The following XKR3 variants were observed in gnomAD, a reference collection of about 807,000 sequenced individuals.
The protein encoded by XKR3 is XK related 3.
Under a neutral mutation model 40.3 loss-of-function variants are expected in XKR3, and 27 were observed. That is an observed-to-expected ratio of 0.67 (90% CI 0.49 to 0.92). The LOEUF (loss-of-function observed/expected upper bound fraction) is 0.92, where lower values mean the gene tolerates loss of function less well. Among genes scored for constraint, XKR3 ranks in the 40% least tolerant of loss-of-function variants. The pLI, the probability that XKR3 is intolerant of heterozygous loss-of-function variation, is 0.00. For missense variants in XKR3, 472 were observed against 537.6 expected (o/e 0.88, Z 1.21); for synonymous variants, 193 against 195.4 (o/e 0.99, Z 0.10).
At chr22:16,817,201 T>A (rs1317606648) in intron 1 of XKR3, among the ~76,000 whole-genome samples, 1 of 152,074 alleles carries the variant, frequency 6.6e-6, no homozygotes, top group African/African-American at 2.4e-5. Flanking sequence ...TTTGTCCTCC[T>A]ACTCACCTGT....
At chr22:16,785,496 G>C (rs1434304752) in intron 3 of XKR3, among the ~76,000 whole-genome samples, 6 of 152,054 alleles carry the variant, frequency 3.9e-5, no homozygotes, top group Non-Finnish European at 7.4e-5. Context: ...TTGAATAATT[G>C]GTTTAAGCAC....
At chr22:16,802,501 T>TG (rs2060173393) in intron 2 of XKR3, among the ~76,000 whole-genome samples, 1 of 152,080 alleles carries the variant, frequency 6.6e-6, no homozygotes, top group Non-Finnish European at 1.5e-5. Context: ...CTTTTTTTTT[T>TG]CTTTTTTTGA....
chr22:16,795,646 G>A (rs1421485527), intron 3 of XKR3, among the ~76,000 whole-genome samples: 1 of 151,764 alleles, frequency 6.6e-6, no homozygotes, highest in Non-Finnish European at 1.5e-5. Context: ...TAAATAAATG[G>A]ATAGTGTGCT....
chr22:16,784,216 T>C lies in XKR3; in HGVS notation c.783A>G (p.Lys261=). Residue 261 remains lysine, a synonymous_variant, in exon 4 of 4, where the codon AAA becomes AAG. Coordinates refer to ENST00000684488, the MANE Select transcript of XKR3 (RefSeq NM_001386955.1). ...TTAACAAAACGGGTAGGCTCTTCAG[T>C]TTCAGAGATGCAATGAAAAATGCCA... ...VTLAFFIASL[K]LKSLPVLLII... is the part of the protein sequence containing the mutation. The C allele has an allele frequency of 6.2e-7, 1 of 1,614,182 alleles. No individual in the cohort carries two copies. The highest frequency in any genetic ancestry group is 1.6e-4 in the Middle Eastern group (1 of 6,062).
At chr22:16,796,227 A>T (rs1293325114) in intron 3 of XKR3, among the ~76,000 whole-genome samples, 232 of 151,260 alleles carry the variant, frequency 1.5e-3, no homozygotes, top group Middle Eastern at 3.6e-3. Context: ...CCAATATTTT[A>T]AAAAAAAATC....
intron 3 of XKR3, among the ~76,000 whole-genome samples, chr22:16,794,178 TCCAAATCCAAATAAAATAGAGAACC>T (rs2060131603): frequency 6.6e-6 from 1 of 151,918 alleles, no homozygotes; most frequent in African/African-American, 2.4e-5. Context: ...GAGGTCAACA[TCCAAATCCAAATAAAATAGAGAACC>T]CCAGCCAGAT....
chr22:16,788,515 C>A (rs1300544197), intron 3 of XKR3, among the ~76,000 whole-genome samples: 2 of 151,630 alleles, frequency 1.3e-5, no homozygotes, highest in Non-Finnish European at 2.9e-5. Flanking sequence ...AAAGAAAAGC[C>A]CAGGACCTGA....
intron 3 of XKR3, among the ~76,000 whole-genome samples, chr22:16,785,781 G>A (rs1409309591): frequency 6.6e-6 from 1 of 152,098 alleles, no homozygotes; most frequent in Non-Finnish European, 1.5e-5. Context: ...CCAGGAGGCA[G>A]AGGTTGCAGT....
chr22:16,787,768 A>AACCCACC (rs2060096882), intron 3 of XKR3, among the ~76,000 whole-genome samples: 1 of 152,100 alleles, frequency 6.6e-6, no homozygotes, highest in Non-Finnish European at 1.5e-5. Context: ...CAAAGACAGC[A>AACCCACC]TACAGAATTA....
In XKR3 at chr22:16,800,017, G is replaced by T; in HGVS notation, c.343C>A (p.His115Asn). The part of the protein sequence containing the change: ...LLLGPIVRCL[H>N]TIRNYHKWLK... ...CATTTGTGGTAATTTCTAATGGTGT[G>T]CAAACACCTGTTAACATGAAGTAAC... The change falls in exon 3 of 4, where the codon CAC becomes AAC. Residue 115 changes from histidine to asparagine, a missense_variant. By Grantham distance (68) the His-to-Asn change is moderately conservative. Transcript: ENST00000684488. The T allele has an allele frequency of 6.2e-7, 1 of 1,613,484 alleles. No homozygotes were observed. The highest frequency in any genetic ancestry group is 1.1e-5 in the South Asian group (1 of 91,036).
chr22:16,812,134 G>T (rs2060215625), intron 1 of XKR3, among the ~76,000 whole-genome samples: 1 of 152,190 alleles, frequency 6.6e-6, no homozygotes, highest in Admixed American at 6.6e-5. Flanking sequence ...ACTTCCTCCA[G>T]TTTTTCCTAC....
intron 3 of XKR3, among the ~76,000 whole-genome samples, chr22:16,785,092 C>T (rs1318877855): frequency 3.3e-5 from 5 of 152,050 alleles, no homozygotes; most frequent in African/African-American, 1.2e-4. Flanking sequence ...CCGAGGCGGG[C>T]GGATCACGAG....
rs543821000 is a variant in XKR3, at chr22:16,799,140, G to A, written c.589+631C>T. On this transcript the variant is annotated intron_variant, in intron 3 of 3. Coordinates refer to ENST00000684488, the MANE Select transcript of XKR3 (RefSeq NM_001386955.1). Reference sequence around the variant, plus strand: ...TAAAAGCAATGCTGTTTGGCTGGGCGCGGTGGCTCATGCCAGTAATCCCAG... The same window carrying A: ...TAAAAGCAATGCTGTTTGGCTGGGCACGGTGGCTCATGCCAGTAATCCCAG... Among the ~76,000 whole-genome samples, 133 of 152,080 alleles carry A rather than the reference G, an allele frequency of 8.7e-4. 1 individual carries two copies. The highest frequency in any genetic ancestry group is 3.0e-3 in the African/African-American group (124 of 41,464).
At position 16,809,322 on chromosome 22, in the gene XKR3, T is replaced by A. The variant is rs1182004238; in HGVS notation, c.-10-1239A>T. ...CCTGGACCCAATCCATCAATATGAT[T>A]GATCTTTTTCTCTTTTGTGTAATTT... On this transcript the variant is annotated intron_variant, in intron 1 of 3. Coordinates refer to ENST00000684488, the MANE Select transcript of XKR3 (RefSeq NM_001386955.1). 2.0e-5 allele frequency among the ~76,000 whole-genome samples: 3 copies of A among 152,354 alleles called. No individual in the cohort carries two copies. In the East Asian group the frequency reaches 5.8e-4, roughly 29 times the overall value.
intron 1 of XKR3, among the ~76,000 whole-genome samples, chr22:16,809,197 T>A (rs1241378955): frequency 2.0e-5 from 3 of 152,174 alleles, no homozygotes; most frequent in African/African-American, 7.2e-5. Flanking sequence ...AATATTAAAT[T>A]CCTCAACTTC....
chr22:16,799,644 CTCAA>C (rs1319050688), intron 3 of XKR3, 123 bp downstream of exon 3: 1 of 1,098,004 alleles, frequency 9.1e-7, no homozygotes, highest in African/African-American at 1.6e-5. Flanking sequence ...TTCATAGAAA[CTCAA>C]TCTTATAAAA....
chr22:16,825,052 T>C (rs1202422037), intron 1 of XKR3, among the ~76,000 whole-genome samples: 1 of 152,222 alleles, frequency 6.6e-6, no homozygotes, highest in African/African-American at 2.4e-5. Context: ...CTTCTGATGT[T>C]TAAAAACATG....
At chr22:16,816,260 A>G (rs1034213278) in intron 1 of XKR3, among the ~76,000 whole-genome samples, 2 of 151,724 alleles carry the variant, frequency 1.3e-5, no homozygotes, top group Non-Finnish European at 3.0e-5. Flanking sequence ...CCTGTTGTTC[A>G]ATCCCTCTCC....
chr22:16,807,282 G>A (rs1320666449), intron 2 of XKR3, among the ~76,000 whole-genome samples: 6 of 152,160 alleles, frequency 3.9e-5, no homozygotes, highest in Non-Finnish European at 8.8e-5. Flanking sequence ...CCAAGTCACA[G>A]CTACAAATTC....
Sources: allele counts gnomAD v4.1 joint callset (sites outside exome capture counted in the v4.1 genomes callset), GRCh38; gene constraint gnomAD v4.1.1; transcripts MANE v1.5; gene names NCBI Gene and HGNC (gene_info 2026-07-23, HGNC 2026-07-21).